NME9: variants seen among roughly 807,000 people sequenced by gnomAD.
NME9 encodes thioredoxin domain-containing protein 6.
Under a neutral mutation model 44.4 loss-of-function variants are expected in NME9, and 48 were observed. The ratio of observed to expected loss-of-function variants is 1.08; its 90% CI spans 0.86 to 1.37. The LOEUF (loss-of-function observed/expected upper bound fraction) is 1.37, where lower values mean the gene tolerates loss of function less well. Ranked by LOEUF, NME9 falls within the 40% of genes most tolerant of loss-of-function variation. The pLI is 0.00. For missense variants in NME9, 325 were observed against 405.2 expected (o/e 0.80, Z 1.70); for synonymous variants, 139 against 147.1 (o/e 0.94, Z 0.40).
At chr3:138,299,138 C>G (rs1421879987), downstream of NME9, among the ~76,000 whole-genome samples, 2 of 152,178 alleles carry the variant, frequency 1.3e-5, no homozygotes, top group Non-Finnish European at 2.9e-5. Flanking sequence ...CATCCTGCCC[C>G]TTGCCTGTTT....
intron 8 of NME9, among the ~76,000 whole-genome samples, chr3:138,277,913 C>CAA (rs1317537196): frequency 4.6e-5 from 7 of 152,156 alleles, no homozygotes; most frequent in Non-Finnish European, 8.8e-5. Flanking sequence ...ATATCACAGT[C>CAA]ACAATAAAGA....
chr3:138,304,833 G>A, intron 9 of NME9, 40 bp downstream of exon 9: 1 of 1,600,480 alleles, frequency 6.2e-7, no homozygotes, highest in East Asian at 2.2e-5. Context: ...TGGGATGCAG[G>A]TTTTAAGATG....
chr3:138,316,932 T>C (rs2053128685), intron 4 of NME9, among the ~76,000 whole-genome samples: 1 of 152,206 alleles, frequency 6.6e-6, no homozygotes, highest in Admixed American at 6.5e-5. Context: ...TCTACGTTTG[T>C]ACTCACAAAG....
At chr3:138,293,923 C>G (rs922981215) in intron 8 of NME9, among the ~76,000 whole-genome samples, 1 of 152,152 alleles carries the variant, frequency 6.6e-6, no homozygotes, top group Non-Finnish European at 1.5e-5. Context: ...TCTTCTTAAA[C>G]GTAAACCGTA....
At chr3:138,305,657 T>C (rs1232231383) in intron 8 of NME9, among the ~76,000 whole-genome samples, 3 of 152,226 alleles carry the variant, frequency 2.0e-5, no homozygotes, top group Non-Finnish European at 2.9e-5. Context: ...AGTTATCCAA[T>C]GGCAGTATCT....
chr3:138,317,441 C>T (rs966909318), intron 4 of NME9, among the ~76,000 whole-genome samples: 1 of 152,144 alleles, frequency 6.6e-6, no homozygotes, highest in East Asian at 1.9e-4. Flanking sequence ...CATTGCCATC[C>T]GAGCCTGGCA....
At chr3:138,320,872 A>G (rs970263715) in intron 2 of NME9, among the ~76,000 whole-genome samples, 2 of 152,128 alleles carry the variant, frequency 1.3e-5, no homozygotes, top group Admixed American at 6.5e-5. Context: ...GTGGGGCTTG[A>G]GAAGCTCTAT....
intron 8 of NME9, chr3:138,288,973 G>C (rs1231833450): frequency 8.1e-7 from 1 of 1,233,872 alleles, no homozygotes; most frequent in Admixed American, 2.0e-5. Context: ...ATTGGCTATG[G>C]TAGGTCCCCC....
At chr3:138,299,398 T>TCA (rs1305402499), downstream of NME9, among the ~76,000 whole-genome samples, 1 of 152,128 alleles carries the variant, frequency 6.6e-6, no homozygotes, top group Non-Finnish European at 1.5e-5. Flanking sequence ...CGTCAGGCAC[T>TCA]CACACCCAGG....
chr3:138,262,596 T>C, intron 8 of NME9: 1 of 1,547,172 alleles, frequency 6.5e-7, no homozygotes, highest in Non-Finnish European at 8.7e-7. Context: ...CCTGAGGAGA[T>C]TAAAAAAAAA....
chr3:138,283,523 A>C (rs527618912), intron 8 of NME9, among the ~76,000 whole-genome samples: 7 of 152,296 alleles, frequency 4.6e-5, no homozygotes, highest in African/African-American at 1.7e-4. Context: ...ACAGCTTCAA[A>C]GTCAGGGAGT....
At chr3:138,275,306 C>T (rs574036417) in intron 8 of NME9, among the ~76,000 whole-genome samples, 1 of 152,194 alleles carries the variant, frequency 6.6e-6, no homozygotes, top group South Asian at 2.1e-4. Flanking sequence ...GCCTGTAATC[C>T]CAGCACTTTG....
At chr3:138,325,634 C>T (rs1203878044) in intron 1 of NME9, among the ~76,000 whole-genome samples, 4 of 152,138 alleles carry the variant, frequency 2.6e-5, no homozygotes, top group Admixed American at 6.5e-5. Context: ...TCTCGAACTC[C>T]TGACCTCAAG....
intron 8 of NME9, chr3:138,284,363 G>C (rs1299504725): frequency 1.8e-5 from 22 of 1,254,198 alleles, no homozygotes; most frequent in Non-Finnish European, 3.5e-6. Context: ...AATTGCCCAA[G>C]CTCTTGAGAC....
intron 6 of NME9, among the ~76,000 whole-genome samples, chr3:138,307,523 A>G (rs1360119834): frequency 6.6e-6 from 1 of 152,182 alleles, no homozygotes; most frequent in Non-Finnish European, 1.5e-5. Flanking sequence ...AATCTCAAAA[A>G]CATGTACTGC....
chr3:138,295,584 C>G (rs1208329335), intron 8 of NME9, among the ~76,000 whole-genome samples: 1 of 152,202 alleles, frequency 6.6e-6, no homozygotes, highest in Non-Finnish European at 1.5e-5. Flanking sequence ...CAGCACATAC[C>G]AGGGACTGTG....
At chr3:138,275,366 G>C (rs1237257566) in intron 8 of NME9, among the ~76,000 whole-genome samples, 1 of 152,076 alleles carries the variant, frequency 6.6e-6, no homozygotes, top group Non-Finnish European at 1.5e-5. Flanking sequence ...GACCATCCTG[G>C]CTAACACGGT....
intron 2 of NME9, among the ~76,000 whole-genome samples, chr3:138,321,159 T>C (rs533413273): frequency 6.6e-6 from 1 of 152,220 alleles, no homozygotes; most frequent in Non-Finnish European, 1.5e-5. Context: ...GGTGAAGTCA[T>C]GGACCTAAGG....
chr3:138,312,838 A>G (rs993619442), intron 6 of NME9, among the ~76,000 whole-genome samples: 1 of 152,240 alleles, frequency 6.6e-6, no homozygotes, highest in Non-Finnish European at 1.5e-5. Context: ...GTGGGAGAAA[A>G]TATTTGCAAA....
Sources: gnomAD v4.1 joint callset for allele counts (sites outside exome capture counted in the v4.1 genomes callset) on GRCh38, gnomAD v4.1.1 for gene constraint, MANE v1.5 for transcripts, NCBI Gene and HGNC (gene_info 2026-07-23, HGNC 2026-07-21) for gene names.